ESRRG: variants seen among roughly 807,000 people sequenced by gnomAD.
ESRRG encodes the protein estrogen related receptor gamma.
Under a neutral mutation model 44.0 loss-of-function variants are expected in ESRRG, and 13 were observed. The observed-to-expected ratio is 0.30, with a 90% CI of 0.19 to 0.47. The LOEUF (loss-of-function observed/expected upper bound fraction) is 0.47. Ranked by LOEUF, ESRRG falls within the 20% of genes least tolerant of loss-of-function variation. The probability of loss-of-function intolerance (pLI) is 1.00; values close to 1 mark genes in which losing one functional copy is unlikely to be tolerated. For synonymous variants in ESRRG, 215 were observed against 214.6 expected (o/e 1.00, Z -0.02); for missense variants, 395 against 580.6 (o/e 0.68, Z 3.29).
At chr1:216,827,036 G>T (rs533819780) in intron 2 of ESRRG, among the ~76,000 whole-genome samples, 8 of 151,882 alleles carry the variant, frequency 5.3e-5, no homozygotes, top group Non-Finnish European at 8.8e-5. Flanking sequence ...AAGACCAAAA[G>T]AAAAATACAG....
In ESRRG at chr1:216,876,976, ATGTGTGTGTG is replaced by A. The variant is rs61039286; in HGVS notation, c.-14+62596_-14+62605del. Among the ~76,000 whole-genome samples, 16 of 145,472 alleles carry A rather than the reference ATGTGTGTGTG, an allele frequency of 1.1e-4. No homozygotes were observed. In the East Asian group the frequency reaches 1.7e-3, roughly 15 times the overall value. On this transcript the variant is annotated intron_variant, in intron 2 of 7. Coordinates refer to the ESRRG transcript ENST00000359162. ...GTCTGATTCGAGAATCTCTTCACTAATGTGTGTGTGTGTGTGTGTGTGTGTGTGTGTGTGT... is the reference window on the plus strand; with the variant it reads ...GTCTGATTCGAGAATCTCTTCACTAATGTGTGTGTGTGTGTGTGTGTGTGT...
At chr1:216,959,323 G>T (rs1383543903) in intron 1 of ESRRG, among the ~76,000 whole-genome samples, 2 of 133,528 alleles carry the variant, frequency 1.5e-5, no homozygotes, top group Non-Finnish European at 3.2e-5. Flanking sequence ...TTTAAAAGCG[G>T]CAGATATATC....
chr1:216,625,165 C>T (rs1334660581), intron 3 of ESRRG, among the ~76,000 whole-genome samples: 1 of 152,124 alleles, frequency 6.6e-6, no homozygotes, highest in Non-Finnish European at 1.5e-5. Flanking sequence ...CCCCTTTCAT[C>T]TAATTCTACT....
intron 1 of ESRRG, among the ~76,000 whole-genome samples, chr1:217,034,761 C>G (rs1055454656): frequency 6.6e-6 from 1 of 152,172 alleles, no homozygotes; most frequent in Non-Finnish European, 1.5e-5. Flanking sequence ...TCCAGGAGGA[C>G]AGGGACCAGG....
At chr1:216,891,141 C>T (rs892614467) in intron 2 of ESRRG, among the ~76,000 whole-genome samples, 2 of 152,150 alleles carry the variant, frequency 1.3e-5, no homozygotes, top group African/African-American at 4.8e-5. Context: ...TACAGTTTTT[C>T]CCTTTTCTTG....
intron 3 of ESRRG, among the ~76,000 whole-genome samples, chr1:216,600,965 G>A (rs1017455311): frequency 6.6e-6 from 1 of 152,198 alleles, no homozygotes; most frequent in African/African-American, 2.4e-5. Context: ...TGATAAAATA[G>A]CATCTCAAAT....
Position 216,506,808 on chromosome 1 carries a change from G to T in ESRRG, c.*131C>A. ...AATCTGAAAGCTGCTTCATAGTCTT[G>T]CTGCTAAATTATCAGTGCAGTCTGT... On this transcript the variant is annotated 3_prime_UTR_variant, in exon 7 of 7. Transcript: ENST00000408911. 3.1e-6 allele frequency: 3 copies of T among 981,758 alleles called. No homozygotes were observed. Among genetic ancestry groups the T allele is most frequent in the South Asian group, 1.7e-5 (1 of 59,680 alleles). The allele number at this position is 981,758 out of a possible 1,614,324, so 60.8% of individuals were successfully genotyped here.
At chr1:216,705,401 G>A (rs2082258615) in intron 1 of ESRRG, among the ~76,000 whole-genome samples, 3 of 151,952 alleles carry the variant, frequency 2.0e-5, no homozygotes. Flanking sequence ...AGTCAAATGT[G>A]TTATCCCCAC....
rs553284792 is a variant in ESRRG at position 216,707,695 on chromosome 1, A to G, written c.56+15549T>C. Reference sequence around the variant, plus strand: ...ATTTCAAGATCTTAGTGCTTAAGACAGTGTCTCCACATAGCCAAATACTTT... The same window carrying G: ...ATTTCAAGATCTTAGTGCTTAAGACGGTGTCTCCACATAGCCAAATACTTT... On this transcript the variant is annotated intron_variant, in intron 1 of 6. Transcript: ENST00000408911. Among the ~76,000 whole-genome samples the G allele has an allele frequency of 5.3e-5, 8 of 152,340 alleles. No individual in the cohort carries two copies. The South Asian group carries it at 1.4e-3, about 28-fold the overall frequency.
At chr1:216,868,975 T>A (rs985603620) in intron 2 of ESRRG, among the ~76,000 whole-genome samples, 2 of 152,188 alleles carry the variant, frequency 1.3e-5, no homozygotes, top group African/African-American at 4.8e-5. Flanking sequence ...GAGAGCTTTG[T>A]CGGCTATGTG....
chr1:216,833,500 G>T (rs764655495), intron 2 of ESRRG, among the ~76,000 whole-genome samples: 3 of 152,160 alleles, frequency 2.0e-5, no homozygotes, highest in African/African-American at 4.8e-5. Flanking sequence ...AGTGCTTCTA[G>T]GTAGTTTGGT....
chr1:216,526,658 G>A (rs1366499045), intron 5 of ESRRG, among the ~76,000 whole-genome samples: 1 of 152,198 alleles, frequency 6.6e-6, no homozygotes, highest in South Asian at 2.1e-4. Context: ...ACCCACAGGT[G>A]ACCTTCTTAT....
At chr1:216,853,158 G>A (rs901749229) in intron 2 of ESRRG, among the ~76,000 whole-genome samples, 3 of 152,106 alleles carry the variant, frequency 2.0e-5, no homozygotes, top group Admixed American at 6.6e-5. Flanking sequence ...TCAAGTTAAT[G>A]GTAAAAATAG....
intron 2 of ESRRG, among the ~76,000 whole-genome samples, chr1:216,660,045 T>C (rs1450747270): frequency 1.3e-5 from 2 of 152,226 alleles, no homozygotes; most frequent in Non-Finnish European, 1.5e-5. Flanking sequence ...AGCAATTCAC[T>C]AGTACTATAT....
chr1:216,649,912 A>T (rs982409952), intron 3 of ESRRG, among the ~76,000 whole-genome samples: 1 of 152,184 alleles, frequency 6.6e-6, no homozygotes, highest in Admixed American at 6.6e-5. Flanking sequence ...CTCTTGGTGA[A>T]TTAATATGTG....
intron 3 of ESRRG, among the ~76,000 whole-genome samples, chr1:216,620,556 A>G (rs1232947838): frequency 1.3e-5 from 2 of 152,200 alleles, no homozygotes; most frequent in African/African-American, 4.8e-5. Context: ...AATTGTGACA[A>G]TAAGCATGCA....
chr1:217,061,482 C>A lies in ESRRG; in HGVS notation c.-106+28025G>T, dbSNP rs573514945. Among the ~76,000 whole-genome samples, 8 of 152,222 alleles carry A rather than the reference C, an allele frequency of 5.3e-5. No homozygotes were observed. In the South Asian group the frequency reaches 1.5e-3, roughly 28 times the overall value. ...TCAAAGGATATAAATGAGCTCCCCC[C>A]ACACTTAAATATGGAATAAAAAGAC... On this transcript the variant is annotated intron_variant, in intron 1 of 7. Coordinates refer to the ESRRG transcript ENST00000359162.
intron 1 of ESRRG, among the ~76,000 whole-genome samples, chr1:216,709,085 G>A (rs1235967299): frequency 6.6e-6 from 1 of 152,076 alleles, no homozygotes; most frequent in Non-Finnish European, 1.5e-5. Flanking sequence ...GGCTAAGGGA[G>A]GGATAGCATT....
At chr1:216,902,344 C>T (rs1315881580) in intron 2 of ESRRG, among the ~76,000 whole-genome samples, 2 of 152,010 alleles carry the variant, frequency 1.3e-5, no homozygotes, top group Admixed American at 6.6e-5. Flanking sequence ...CAAAAATTAT[C>T]TTGGTGTGGT....
Sources: gnomAD v4.1 joint callset for allele counts (sites outside exome capture counted in the v4.1 genomes callset) on GRCh38, gnomAD v4.1.1 for gene constraint, MANE v1.5 for transcripts, NCBI Gene and HGNC (gene_info 2026-07-23, HGNC 2026-07-21) for gene names.